Variants in CHD2 observed in about 807,000 individuals in gnomAD.
CHD2 encodes the protein chromodomain helicase DNA binding protein 2, also known as ATP-dependent chromatin remodeler CHD2.
Under a neutral mutation model 243.9 loss-of-function variants are expected in CHD2, and 28 were observed. The ratio of observed to expected loss-of-function variants is 0.11; its 90% confidence interval spans 0.09 to 0.16. The LOEUF is 0.16. CHD2 is among the 10% of genes least tolerant of loss of function. CHD2 has a pLI of 1.00. For synonymous variants in CHD2, 775 were observed against 779.0 expected (o/e 0.99, Z 0.09); for missense variants, 1,386 against 2,209.8 (o/e 0.63, Z 7.47).
At chr15:92,914,089 A>G (rs772621798) in intron 2 of CHD2, among the ~76,000 whole-genome samples, 7 of 152,246 alleles carry the variant, frequency 4.6e-5, no homozygotes, top group Non-Finnish European at 1.0e-4. Flanking sequence ...ATAAAAGTCT[A>G]AAGTTTATAA....
At chr15:92,966,317 G>C (rs1275791124) in intron 16 of CHD2, among the ~76,000 whole-genome samples, 1 of 152,026 alleles carries the variant, frequency 6.6e-6, no homozygotes, top group Non-Finnish European at 1.5e-5. Context: ...GCCCGCCTCA[G>C]CCTCCCAAAG....
intron 37 of CHD2, among the ~76,000 whole-genome samples, chr15:93,015,655 T>A (rs2054450567): frequency 6.6e-6 from 1 of 151,622 alleles, no homozygotes; most frequent in East Asian, 1.9e-4. Flanking sequence ...CTCAGCTCCT[T>A]ATGTAGCAGG....
chr15:92,969,838 G>A (rs1342440549), intron 17 of CHD2, among the ~76,000 whole-genome samples: 1 of 145,730 alleles, frequency 6.9e-6, no homozygotes, highest in Non-Finnish European at 1.5e-5. Flanking sequence ...TTGAGACGGA[G>A]TCTCACTCTG....
intron 24 of CHD2, among the ~76,000 whole-genome samples, chr15:92,983,466 T>A (rs1258532823): frequency 1.3e-5 from 2 of 152,238 alleles, no homozygotes; most frequent in African/African-American, 4.8e-5. Context: ...TTGACTTCAC[T>A]GTTGGCTCCA....
At chr15:92,931,626 TG>T (rs1337452803) in intron 5 of CHD2, among the ~76,000 whole-genome samples, 1 of 152,168 alleles carries the variant, frequency 6.6e-6, no homozygotes, top group Non-Finnish European at 1.5e-5. Flanking sequence ...CCTCTCACCT[TG>T]CTCTCCAAAA....
chr15:92,944,324 G>A, intron 9 of CHD2, 91 bp from the exon 10 acceptor site: 1 of 627,418 alleles, frequency 1.6e-6, no homozygotes, highest in Non-Finnish European at 2.8e-6. Flanking sequence ...TAAAAAATAG[G>A]TTTTCTTTTC....
intron 26 of CHD2, among the ~76,000 whole-genome samples, chr15:92,985,980 T>C (rs575529915): frequency 2.0e-5 from 3 of 152,308 alleles, no homozygotes; most frequent in East Asian, 1.9e-4. Flanking sequence ...TACAGACTTA[T>C]GTATCTGTAT....
At chr15:92,973,800 G>C (rs1374898232) in intron 19 of CHD2, among the ~76,000 whole-genome samples, 1 of 152,198 alleles carries the variant, frequency 6.6e-6, no homozygotes, top group Non-Finnish European at 1.5e-5. Context: ...GTGACTTTTA[G>C]ATAATTAATG....
intron 2 of CHD2, among the ~76,000 whole-genome samples, chr15:92,922,515 C>T (rs1200183388): frequency 6.6e-6 from 1 of 152,130 alleles, no homozygotes; most frequent in African/African-American, 2.4e-5. Context: ...CTGTGGATCG[C>T]ATGGTGTTAT....
intron 2 of CHD2, among the ~76,000 whole-genome samples, chr15:92,907,923 G>A (rs1045975806): frequency 6.6e-6 from 1 of 151,776 alleles, no homozygotes; most frequent in Non-Finnish European, 1.5e-5. Context: ...AGTTACAGGA[G>A]AGATTTGTGA....
chr15:92,986,285 T>G (rs923005054), intron 26 of CHD2, among the ~76,000 whole-genome samples: 12 of 152,290 alleles, frequency 7.9e-5, no homozygotes, highest in African/African-American at 2.4e-4. Context: ...TACAAATTAT[T>G]TTTTTTCCAG....
rs191982076 is a variant in CHD2, at chr15:92,948,829, A to G, written c.1378-123A>G. On this transcript the variant is annotated intron_variant, in intron 12 of 38. Coordinates refer to ENST00000394196, the MANE Select transcript of CHD2 (RefSeq NM_001271.4). ...ACTCCAGCCTGGGTGACAGAGCAAG[A>G]CTCCGTCTCAAAAAAAGAAATTTGA... The G allele has an allele frequency of 5.6e-4, 603 of 1,081,002 alleles. 4 individuals carry two copies. The African/African-American group carries it at 8.7e-3, about 16-fold the overall frequency. The allele number at this position is 1,081,002 out of a possible 1,614,324, so 67.0% of individuals were successfully genotyped here. A position where few individuals can be genotyped will look rare whatever the true frequency, so the allele number is the denominator to read the frequency against.
chr15:92,996,825 A>G (rs1189651774), intron 28 of CHD2, 132 bp from the exon 29 acceptor site: 3 of 867,082 alleles, frequency 3.5e-6, no homozygotes, highest in African/African-American at 3.5e-5. Context: ...TGTCTTATAG[A>G]TTATATCTTC....
Position 93,009,186 on chromosome 15 carries a change from G to C in CHD2, c.4455G>C (p.Gln1485His). ...GGCCCGTGAAAAAGGCACTGAAACAGCTCGACAAACCTGACAAGGGGCTCA... is the reference window on the plus strand; with the variant it reads ...GGCCCGTGAAAAAGGCACTGAAACACCTCGACAAACCTGACAAGGGGCTCA... Reference protein sequence around the residue: ...RMRPVKKALKQLDKPDKGLNV... With the variant: ...RMRPVKKALKHLDKPDKGLNV... The change falls in exon 35 of 39, where the codon CAG becomes CAC. Residue 1485 changes from glutamine to histidine, a missense_variant. Transcript: ENST00000394196. 1 of 1,614,196 alleles carries C rather than the reference G, an allele frequency of 6.2e-7. No homozygotes were observed. Among genetic ancestry groups the C allele is most frequent in the Non-Finnish European group, 8.5e-7 (1 of 1,180,030 alleles).
At chr15:92,926,989 A>ATGTT (rs1338762200) in intron 3 of CHD2, among the ~76,000 whole-genome samples, 2 of 152,018 alleles carry the variant, frequency 1.3e-5, no homozygotes, top group Admixed American at 1.3e-4. Context: ...ATTCAGCTGT[A>ATGTT]TATTTTAATG....
At chr15:92,947,215 A>T (rs1428589936) in intron 12 of CHD2, 1 of 152,194 alleles carries the variant, frequency 6.6e-6, no homozygotes. Flanking sequence ...AAATGTGGTC[A>T]GAGAAGCACC....
chr15:92,949,178 C>T (rs1045604643), intron 13 of CHD2, 102 bp downstream of exon 13: 29 of 1,549,872 alleles, frequency 1.9e-5, no homozygotes, highest in Non-Finnish European at 2.3e-5. Context: ...CTTATTGTAT[C>T]TCAACCAAGA....
chr15:93,003,865 C>T (rs1306492528), intron 33 of CHD2, among the ~76,000 whole-genome samples: 1 of 123,184 alleles, frequency 8.1e-6, no homozygotes, highest in Non-Finnish European at 1.8e-5. Context: ...GTGGCTCACA[C>T]TTGTAATCCC....
intron 2 of CHD2, among the ~76,000 whole-genome samples, chr15:92,904,048 A>T (rs1180975027): frequency 2.0e-5 from 3 of 152,210 alleles, no homozygotes; most frequent in Admixed American, 6.5e-5. Flanking sequence ...AATCTAAACT[A>T]ATAGAAATCT....
Sources: gnomAD v4.1 joint callset for allele counts (sites outside exome capture counted in the v4.1 genomes callset) on GRCh38, gnomAD v4.1.1 for gene constraint, MANE v1.5 for transcripts, NCBI Gene and HGNC (gene_info 2026-07-23, HGNC 2026-07-21) for gene names.